The following GSG1L variants were observed in gnomAD, a reference collection of about 807,000 sequenced individuals.
The protein encoded by GSG1L is GSG1 like.
In GSG1L, 24 loss-of-function variants were observed where a neutral mutation model predicts 42.1. That is an observed-to-expected ratio of 0.57 (90% CI 0.41 to 0.80). The LOEUF (loss-of-function observed/expected upper bound fraction) is 0.80. Among genes scored for constraint, GSG1L ranks in the 30% least tolerant of loss-of-function variants. The pLI is 0.00. For synonymous variants in GSG1L, 215 were observed against 203.5 expected, an observed-to-expected ratio of 1.06 and a Z score of -0.48; for missense variants, 445 against 472.2, an observed-to-expected ratio of 0.94 and a Z score of 0.53.
chr16:27,866,594 C>G (rs1003765921), intron 3 of GSG1L, among the ~76,000 whole-genome samples: 1 of 152,046 alleles, frequency 6.6e-6, no homozygotes, highest in Non-Finnish European at 1.5e-5. Context: ...TTTTTCGAGA[C>G]AGAGTCTTGC....
chr16:27,925,989 G>A (rs1242563462), intron 2 of GSG1L, among the ~76,000 whole-genome samples: 1 of 152,202 alleles, frequency 6.6e-6, no homozygotes, highest in African/African-American at 2.4e-5. Flanking sequence ...TGAATGAAAT[G>A]GCGAGTACAT....
intron 2 of GSG1L, among the ~76,000 whole-genome samples, chr16:27,939,732 G>A (rs1289225910): frequency 1.3e-5 from 2 of 152,182 alleles, no homozygotes; most frequent in East Asian, 3.9e-4. Flanking sequence ...CCCTGGCCTG[G>A]GGGACCGAGG....
At position 27,949,866 on chromosome 16, in the gene GSG1L, G is replaced by A. The variant is rs186569331; in HGVS notation, c.397+13290C>T. Among the ~76,000 whole-genome samples, 413 of 152,242 alleles carry A rather than the reference G, an allele frequency of 2.7e-3. 5 individuals are homozygous for A. Among genetic ancestry groups the A allele is most frequent in the African/African-American group, 9.4e-3 (390 of 41,536 alleles). ...CATGAACCCGGGAGGCAGAGCTTGC[G>A]GTGAGCCGAGATTGCGCCACTGCAT... is the stretch of plus-strand genomic sequence containing the variant. On this transcript the variant is annotated intron_variant, in intron 2 of 6. Coordinates refer to ENST00000447459, the MANE Select transcript of GSG1L (RefSeq NM_001109763.2).
In GSG1L at chr16:27,816,115, C is replaced by T. The variant is rs537232190; in HGVS notation, c.831-8561G>A. On this transcript the variant is annotated intron_variant, in intron 5 of 6. Transcript: ENST00000447459. ...TCTGCGGTCTTTCTGGTCCTGTCAC[C>T]CTGTGACTGCATATTCAGCCCCACC... is the stretch of plus-strand genomic sequence containing the variant. 2.6e-5 allele frequency among the ~76,000 whole-genome samples: 4 copies of T among 152,282 alleles called. No homozygotes were observed. The East Asian group carries it at 5.8e-4, about 22-fold the overall frequency.
At chr16:27,904,338 G>C (rs1431344619) in intron 2 of GSG1L, among the ~76,000 whole-genome samples, 1 of 152,034 alleles carries the variant, frequency 6.6e-6, no homozygotes, top group Admixed American at 6.6e-5. Flanking sequence ...CCAAAGCGCT[G>C]GGATTATGGG....
chr16:27,942,182 C>T (rs1328852058), intron 2 of GSG1L, among the ~76,000 whole-genome samples: 4 of 136,452 alleles, frequency 2.9e-5, no homozygotes, highest in African/African-American at 1.1e-4. Context: ...CTGAGTCTTG[C>T]TCTATTCCCC....
At chr16:27,856,618 G>C (rs747681073) in intron 3 of GSG1L, among the ~76,000 whole-genome samples, 2 of 152,292 alleles carry the variant, frequency 1.3e-5, no homozygotes, top group East Asian at 3.9e-4. Context: ...GGCTCCTCAC[G>C]AACATTTTTA....
intron 1 of GSG1L, among the ~76,000 whole-genome samples, chr16:28,001,905 G>A (rs138548318): frequency 1.3e-5 from 2 of 152,290 alleles, no homozygotes; most frequent in African/African-American, 4.8e-5. Context: ...CAAGGGCAGA[G>A]CAGCCTATGT....
chr16:27,923,925 G>T (rs2141065969), intron 2 of GSG1L, among the ~76,000 whole-genome samples: 1 of 152,084 alleles, frequency 6.6e-6, no homozygotes, highest in Admixed American at 6.5e-5. Flanking sequence ...CTCAAATCTT[G>T]GCTCTACCAC....
At chr16:27,825,944 C>T (rs1343701191) in intron 5 of GSG1L, among the ~76,000 whole-genome samples, 1 of 152,136 alleles carries the variant, frequency 6.6e-6, no homozygotes, top group African/African-American at 2.4e-5. Context: ...TCAATTAAAC[C>T]TCTTTCTTTG....
At chr16:27,791,911 T>A (rs2144383144) in intron 6 of GSG1L, among the ~76,000 whole-genome samples, 1 of 151,960 alleles carries the variant, frequency 6.6e-6, no homozygotes, top group South Asian at 2.1e-4. Context: ...CACATCCACC[T>A]ACACCCAAAA....
At chr16:27,951,907 AAG>A (rs2084954452) in intron 2 of GSG1L, among the ~76,000 whole-genome samples, 1 of 152,220 alleles carries the variant, frequency 6.6e-6, no homozygotes, top group Non-Finnish European at 1.5e-5. Flanking sequence ...CGCAAGACTC[AAG>A]AGTGTGACCA....
intron 3 of GSG1L, among the ~76,000 whole-genome samples, chr16:27,854,498 G>C (rs927754621): frequency 2.6e-5 from 4 of 152,164 alleles, no homozygotes; most frequent in African/African-American, 9.7e-5. Context: ...GGAGCCACAG[G>C]GAGGTGAAGT....
chr16:27,943,566 CTTTT>C (rs11385465), intron 2 of GSG1L, among the ~76,000 whole-genome samples: 2 of 67,720 alleles, frequency 3.0e-5, no homozygotes, highest in Non-Finnish European at 5.2e-5. Context: ...TTCTTTGTTT[CTTTT>C]TTTTTTTTTT....
chr16:27,820,477 G>T (rs1260007796), intron 5 of GSG1L, among the ~76,000 whole-genome samples: 5 of 152,082 alleles, frequency 3.3e-5, no homozygotes, highest in African/African-American at 1.2e-4. Context: ...ACGGTGAGTG[G>T]GAGGTGAAGA....
rs1277685483 is a variant in GSG1L, at chr16:27,823,671, C to T, written c.830+5118G>A. Among the ~76,000 whole-genome samples the T allele has an allele frequency of 3.9e-5, 6 of 152,134 alleles. No individual in the cohort carries two copies. The East Asian group carries it at 7.7e-4, about 20-fold the overall frequency. On this transcript the variant is annotated intron_variant, in intron 5 of 6. Transcript: ENST00000447459. Reference sequence around the variant, plus strand: ...CAGAATGCATCATACCAGAAACCCACTCACGGTCTGTCTCTCACCTCACCT... The same window carrying T: ...CAGAATGCATCATACCAGAAACCCATTCACGGTCTGTCTCTCACCTCACCT...
intron 1 of GSG1L, among the ~76,000 whole-genome samples, chr16:28,010,409 A>G (rs538761223): frequency 6.6e-6 from 1 of 152,228 alleles, no homozygotes; most frequent in Non-Finnish European, 1.5e-5. Context: ...ATTTTGCTAA[A>G]AGGTACCTAG....
At position 27,788,614 on chromosome 16, in the gene GSG1L, T is replaced by A. The variant is rs981261560; in HGVS notation, c.*2756A>T. 1 of 152,238 alleles carries A rather than the reference T, an allele frequency of 6.6e-6. No individual in the cohort carries two copies. Among genetic ancestry groups the A allele is most frequent in the Non-Finnish European group, 1.5e-5 (1 of 68,044 alleles). The allele number at this position is 152,238 out of a possible 1,614,324, so 9.4% of individuals were successfully genotyped here. A position where few individuals can be genotyped will look rare whatever the true frequency, so the allele number is the denominator to read the frequency against. ...TTTCCCTGCTATACTCTTGCCTGGCTGATGCCCAGACAATCTTCATGTCTT... is the reference window on the plus strand; with the variant it reads ...TTTCCCTGCTATACTCTTGCCTGGCAGATGCCCAGACAATCTTCATGTCTT... On this transcript the variant is annotated 3_prime_UTR_variant, in exon 7 of 7. Transcript: ENST00000447459.
At chr16:27,923,806 G>GAA (rs1157516554) in intron 2 of GSG1L, among the ~76,000 whole-genome samples, 3 of 151,656 alleles carry the variant, frequency 2.0e-5, no homozygotes, top group Non-Finnish European at 2.9e-5. Flanking sequence ...GAGAGAGAGA[G>GAA]AACGTGCCAG....
Sources: gnomAD v4.1 joint callset for allele counts (sites outside exome capture counted in the v4.1 genomes callset) on GRCh38, gnomAD v4.1.1 for gene constraint, MANE v1.5 for transcripts, NCBI Gene and HGNC (gene_info 2026-07-23, HGNC 2026-07-21) for gene names.